VAT1L: variants seen among roughly 807,000 people sequenced by gnomAD.
VAT1L encodes putative NADPH-dependent quinone oxidoreductase VAT1L.
Under a neutral mutation model 44.1 loss-of-function variants are expected in VAT1L, and 34 were observed. That is an observed-to-expected ratio of 0.77 (90% CI 0.59 to 1.03). The LOEUF is 1.03. Among genes scored for constraint, VAT1L ranks in the 50% least tolerant of loss-of-function variants. The pLI, the probability that VAT1L is intolerant of heterozygous loss-of-function variation, is 0.00. For synonymous variants in VAT1L, 253 were observed against 202.2 expected, an observed-to-expected ratio of 1.25 and a Z score of -2.13; for missense variants, 615 against 538.8, an observed-to-expected ratio of 1.14 and a Z score of -1.40.
chr16:77,856,558 T>TG (rs1447750539), intron 3 of VAT1L, among the ~76,000 whole-genome samples: 5 of 152,232 alleles, frequency 3.3e-5, no homozygotes, highest in Non-Finnish European at 7.3e-5. Context: ...TGCTGGAATA[T>TG]GATCTTGCTT....
rs769810512 is a variant in VAT1L, at chr16:77,874,839, T to TAAAAAAAAAAAAAAAAAAAAAAAAA, written c.723-1507_723-1506insAAAAAAAAAAAAAAAAAAAAAAAAA. ...AATATTTAATGAACAAATTAATTTG[T>TAAAAAAAAAAAAAAAAAAAAAAAAA]AAAAAAAAAAAAAAAAAAAAAAAAG... On this transcript the variant is annotated intron_variant, in intron 4 of 8. Coordinates refer to ENST00000302536, the MANE Select transcript of VAT1L (RefSeq NM_020927.3). Among the ~76,000 whole-genome samples the TAAAAAAAAAAAAAAAAAAAAAAAAA allele has an allele frequency of 2.3e-5, 2 of 87,718 alleles. 1 individual carries two copies. The highest frequency in any genetic ancestry group is 4.6e-5 in the Non-Finnish European group (2 of 43,598). The allele number at this position is 87,718 out of a possible 152,430, so 57.5% of individuals were successfully genotyped here.
At chr16:77,829,243 G>T (rs1286836548) in intron 3 of VAT1L, among the ~76,000 whole-genome samples, 1 of 152,072 alleles carries the variant, frequency 6.6e-6, no homozygotes, top group Non-Finnish European at 1.5e-5. Context: ...CCAAAAGACG[G>T]GCCCAGGTAC....
At chr16:77,919,291 G>C (rs1447684786) in intron 7 of VAT1L, among the ~76,000 whole-genome samples, 1 of 152,200 alleles carries the variant, frequency 6.6e-6, no homozygotes, top group Non-Finnish European at 1.5e-5. Context: ...TCATTGACAG[G>C]TGTTGTGCCT....
At chr16:77,831,400 G>A (rs1256335854) in intron 3 of VAT1L, among the ~76,000 whole-genome samples, 4 of 152,150 alleles carry the variant, frequency 2.6e-5, no homozygotes, top group Non-Finnish European at 5.9e-5. Flanking sequence ...CTGAATAAAT[G>A]TTTATTGAAT....
At chr16:77,857,885 G>A (rs1417925818) in intron 3 of VAT1L, among the ~76,000 whole-genome samples, 1 of 147,740 alleles carries the variant, frequency 6.8e-6, no homozygotes, top group African/African-American at 2.5e-5. Flanking sequence ...AATAGAAATA[G>A]TGAAGTTCTG....
intron 7 of VAT1L, among the ~76,000 whole-genome samples, chr16:77,950,610 A>G (rs1196921953): frequency 1.3e-5 from 2 of 152,190 alleles, no homozygotes; most frequent in Non-Finnish European, 2.9e-5. Context: ...TTATCATGTT[A>G]ATGAGAAATG....
intron 7 of VAT1L, among the ~76,000 whole-genome samples, chr16:77,963,391 GCTT>G (rs1314824973): frequency 6.6e-6 from 1 of 152,138 alleles, no homozygotes; most frequent in Non-Finnish European, 1.5e-5. Context: ...AAATGCAAGG[GCTT>G]CTTCTAAAGA....
At chr16:77,849,064 T>A (rs991760345) in intron 3 of VAT1L, among the ~76,000 whole-genome samples, 1 of 151,978 alleles carries the variant, frequency 6.6e-6, no homozygotes, top group African/African-American at 2.4e-5. Context: ...AGGGGAGGGA[T>A]AGCATTAGGA....
chr16:77,824,969 C>T (rs140745410), intron 2 of VAT1L, among the ~76,000 whole-genome samples: 28 of 146,096 alleles, frequency 1.9e-4, no homozygotes, highest in African/African-American at 6.8e-4. Flanking sequence ...TGGGTTCAAG[C>T]AGTTCTCCTG....
intron 7 of VAT1L, among the ~76,000 whole-genome samples, chr16:77,894,690 G>C (rs1265914698): frequency 6.6e-6 from 1 of 152,194 alleles, no homozygotes; most frequent in East Asian, 1.9e-4. Flanking sequence ...TACATTTTAA[G>C]TGGGTGAATT....
intron 3 of VAT1L, among the ~76,000 whole-genome samples, chr16:77,857,830 C>G (rs2142438973): frequency 7.7e-6 from 1 of 130,642 alleles, no homozygotes; most frequent in South Asian, 2.6e-4. Flanking sequence ...CCTATATTAT[C>G]TCTCTCTTTT....
intron 7 of VAT1L, among the ~76,000 whole-genome samples, chr16:77,933,415 A>G (rs993186005): frequency 1.3e-5 from 2 of 152,234 alleles, no homozygotes; most frequent in Non-Finnish European, 2.9e-5. Flanking sequence ...AATATTCATT[A>G]AACACCTACC....
In VAT1L at chr16:77,857,292, TC is replaced by T. The variant is rs762124155; in HGVS notation, c.580-5454del. 1.6e-4 allele frequency among the ~76,000 whole-genome samples: 24 copies of T among 152,274 alleles called. No individual in the cohort carries two copies. In the East Asian group the frequency reaches 4.4e-3, roughly 28 times the overall value. On this transcript the variant is annotated intron_variant, in intron 3 of 8. Transcript: ENST00000302536. Reference sequence around the variant, plus strand: ...TCTGTCTTCCACAAATGTTATTGAGTCCATGCTATTTGCTAGGCACGTAGGA... The same window carrying T: ...TCTGTCTTCCACAAATGTTATTGAGTCATGCTATTTGCTAGGCACGTAGGA...
intron 4 of VAT1L, among the ~76,000 whole-genome samples, chr16:77,867,955 T>C (rs897622523): frequency 3.5e-4 from 53 of 152,272 alleles, no homozygotes; most frequent in African/African-American, 1.3e-3. Flanking sequence ...ACCTTTTGTT[T>C]TTTCATTTAT....
At chr16:77,976,731 G>C (rs1432387364) in intron 8 of VAT1L, among the ~76,000 whole-genome samples, 1 of 152,094 alleles carries the variant, frequency 6.6e-6, no homozygotes, top group Non-Finnish European at 1.5e-5. Context: ...TCTTTCACCT[G>C]GTTCTTAAAA....
At chr16:77,939,230 T>G (rs1357560034) in intron 7 of VAT1L, among the ~76,000 whole-genome samples, 1 of 152,214 alleles carries the variant, frequency 6.6e-6, no homozygotes, top group African/African-American at 2.4e-5. Context: ...GCTTAACCAA[T>G]TCTTTGAAAC....
chr16:77,847,281 A>T (rs1279033625), intron 3 of VAT1L, among the ~76,000 whole-genome samples: 1 of 151,976 alleles, frequency 6.6e-6, no homozygotes, highest in African/African-American at 2.4e-5. Context: ...GTTGATTGTG[A>T]CCTGCAACCA....
chr16:77,943,559 C>A (rs1384071492), intron 7 of VAT1L, among the ~76,000 whole-genome samples: 2 of 151,406 alleles, frequency 1.3e-5, no homozygotes, highest in African/African-American at 4.9e-5. Flanking sequence ...GCCACCACAC[C>A]CGGCTAATTT....
chr16:77,934,917 C>A (rs2017775112), intron 7 of VAT1L, among the ~76,000 whole-genome samples: 2 of 152,076 alleles, frequency 1.3e-5, no homozygotes, highest in South Asian at 2.1e-4. Flanking sequence ...GGATGGGGAA[C>A]AATTTCACAG....
Sources: allele counts gnomAD v4.1 joint callset (sites outside exome capture counted in the v4.1 genomes callset), GRCh38; gene constraint gnomAD v4.1.1; transcripts MANE v1.5; gene names NCBI Gene and HGNC (gene_info 2026-07-23, HGNC 2026-07-21).